Variants in EBF1 observed in about 807,000 individuals in gnomAD.
The protein encoded by EBF1 is EBF transcription factor 1.
In EBF1, 10 loss-of-function variants were observed where a neutral mutation model predicts 68.4. The ratio of observed to expected loss-of-function variants is 0.15; its 90% CI spans 0.09 to 0.25. EBF1 has a LOEUF of 0.25. Ranked by LOEUF, EBF1 falls within the 10% of genes least tolerant of loss-of-function variation. The probability of loss-of-function intolerance (pLI) is 1.00; values close to 1 mark genes in which losing one functional copy is unlikely to be tolerated. For missense variants in EBF1, 509 were observed against 794.4 expected, an observed-to-expected ratio of 0.64 and a Z score of 4.32; for synonymous variants, 298 against 299.8, an observed-to-expected ratio of 0.99 and a Z score of 0.06.
chr5:158,943,991 C>G (rs1156411210), intron 6 of EBF1, among the ~76,000 whole-genome samples: 1 of 152,178 alleles, frequency 6.6e-6, no homozygotes, highest in Non-Finnish European at 1.5e-5. Flanking sequence ...GACTTCCCAT[C>G]AAAGCACTCC....
intron 6 of EBF1, among the ~76,000 whole-genome samples, chr5:158,982,740 G>C (rs1391377411): frequency 6.6e-6 from 1 of 151,638 alleles, no homozygotes; most frequent in African/African-American, 2.4e-5. Context: ...ATGATCCCTT[G>C]ATTCCGAGAA....
At chr5:158,853,126 T>C (rs1207615117) in intron 6 of EBF1, among the ~76,000 whole-genome samples, 4 of 152,228 alleles carry the variant, frequency 2.6e-5, no homozygotes, top group Admixed American at 6.5e-5. Context: ...GGAGTCTGAA[T>C]TGACTGCCAG....
chr5:158,925,126 A>G (rs183081351), intron 6 of EBF1, among the ~76,000 whole-genome samples: 262 of 152,104 alleles, frequency 1.7e-3, no homozygotes, highest in Admixed American at 2.9e-3. Context: ...ACCCAAAATC[A>G]ATGCATTCAC....
intron 6 of EBF1, among the ~76,000 whole-genome samples, chr5:159,042,123 G>A (rs762264599): frequency 1.2e-4 from 19 of 152,194 alleles, no homozygotes; most frequent in African/African-American, 2.9e-4. Context: ...TGCTGTCGGC[G>A]CCAACCCATC....
At chr5:158,992,917 CTTTTTTTTTT>C (rs148629320) in intron 6 of EBF1, among the ~76,000 whole-genome samples, 2 of 72,826 alleles carry the variant, frequency 2.7e-5, no homozygotes, top group Non-Finnish European at 4.7e-5. Context: ...CTGTTTCTTT[CTTTTTTTTTT>C]TTTTTTTTTT....
intron 6 of EBF1, among the ~76,000 whole-genome samples, chr5:158,921,872 C>T (rs1048782381): frequency 3.9e-5 from 6 of 152,226 alleles, no homozygotes; most frequent in African/African-American, 9.6e-5. Flanking sequence ...TTGCAAAGCA[C>T]GAAGCAACCA....
intron 11 of EBF1, among the ~76,000 whole-genome samples, chr5:158,717,632 ATT>A (rs567978465): frequency 6.1e-5 from 9 of 147,330 alleles, no homozygotes; most frequent in African/African-American, 2.2e-4. Flanking sequence ...CTATCCTTGG[ATT>A]TTTTTTTTTT....
chr5:158,913,551 C>T (rs1806473123), intron 6 of EBF1, among the ~76,000 whole-genome samples: 1 of 152,120 alleles, frequency 6.6e-6, no homozygotes, highest in African/African-American at 2.4e-5. Context: ...CTGCATGCTC[C>T]CACTGAGATT....
intron 6 of EBF1, among the ~76,000 whole-genome samples, chr5:158,948,423 A>G (rs1215377476): frequency 2.0e-5 from 3 of 152,166 alleles, no homozygotes; most frequent in Non-Finnish European, 2.9e-5. Flanking sequence ...AGCATACTGT[A>G]TAAGGGCCAA....
At chr5:159,033,230 T>G (rs922690792) in intron 6 of EBF1, among the ~76,000 whole-genome samples, 7 of 152,144 alleles carry the variant, frequency 4.6e-5, no homozygotes, top group Admixed American at 6.5e-5. Flanking sequence ...TTCCTTCCAC[T>G]CCGCAGCACA....
intron 6 of EBF1, among the ~76,000 whole-genome samples, chr5:159,048,321 G>A (rs1772842783): frequency 6.6e-6 from 1 of 152,188 alleles, no homozygotes; most frequent in African/African-American, 2.4e-5. Flanking sequence ...AGATGCATCT[G>A]GTGCCTACCT....
chr5:158,786,089 G>T (rs183708511), intron 9 of EBF1, among the ~76,000 whole-genome samples: 2 of 151,990 alleles, frequency 1.3e-5, no homozygotes, highest in Non-Finnish European at 2.9e-5. Flanking sequence ...AGTTTCTTAT[G>T]AATCTACAAA....
chr5:159,030,602 G>A (rs1443569722), intron 6 of EBF1, among the ~76,000 whole-genome samples: 2 of 152,210 alleles, frequency 1.3e-5, no homozygotes, highest in Non-Finnish European at 2.9e-5. Context: ...GGGAAAGGCA[G>A]CCCTGCAGAA....
intron 6 of EBF1, among the ~76,000 whole-genome samples, chr5:158,875,160 G>A (rs1269786715): frequency 6.6e-6 from 1 of 151,656 alleles, no homozygotes; most frequent in Non-Finnish European, 1.5e-5. Context: ...TTTATTTTAT[G>A]GAAACAGTGA....
chr5:158,812,626 A>G (rs1324539098), intron 8 of EBF1, among the ~76,000 whole-genome samples: 1 of 152,066 alleles, frequency 6.6e-6, no homozygotes, highest in African/African-American at 2.4e-5. Context: ...CCCCTCCCCC[A>G]TGCATCAGTT....
intron 9 of EBF1, among the ~76,000 whole-genome samples, chr5:158,780,049 T>C (rs1350617065): frequency 6.6e-6 from 1 of 152,214 alleles, no homozygotes; most frequent in Admixed American, 6.6e-5. Context: ...GAAGAATCTC[T>C]AGCATTGACA....
intron 6 of EBF1, among the ~76,000 whole-genome samples, chr5:159,023,743 T>C (rs1367880821): frequency 6.6e-6 from 1 of 152,234 alleles, no homozygotes; most frequent in Non-Finnish European, 1.5e-5. Context: ...GAAAGTCTGA[T>C]GCATCCTAAA....
At position 158,839,921 on chromosome 5, in the gene EBF1, C is replaced by T. The variant is rs1789794623; in HGVS notation, c.636+108G>A. 11 of 1,040,080 alleles carry T rather than the reference C, an allele frequency of 1.1e-5. No individual in the cohort carries two copies. The South Asian group carries it at 1.5e-4, about 14-fold the overall frequency. The allele number at this position is 1,040,080 out of a possible 1,614,324, so 64.4% of individuals were successfully genotyped here. A position where few individuals can be genotyped will look rare whatever the true frequency, so the allele number is the denominator to read the frequency against. ...CCTGGGGGACCAAGGGCCTCAGCTG[C>T]TCTTCACCTCTGGGAAAAAAAGCTA... On this transcript the variant is annotated intron_variant, in intron 7 of 15. Coordinates refer to ENST00000313708, the MANE Select transcript of EBF1 (RefSeq NM_024007.5).
intron 6 of EBF1, among the ~76,000 whole-genome samples, chr5:158,877,717 C>T (rs1274737242): frequency 1.3e-5 from 2 of 151,858 alleles, no homozygotes; most frequent in African/African-American, 4.8e-5. Flanking sequence ...CACACACACA[C>T]TTTCCAATTG....
Sources: gnomAD v4.1 joint callset for allele counts (sites outside exome capture counted in the v4.1 genomes callset) on GRCh38, gnomAD v4.1.1 for gene constraint, MANE v1.5 for transcripts, NCBI Gene and HGNC (gene_info 2026-07-23, HGNC 2026-07-21) for gene names.